Variants in USP34 observed in about 807,000 individuals in gnomAD.
The protein encoded by USP34 is ubiquitin specific peptidase 34.
Under a neutral mutation model 460.3 loss-of-function variants are expected in USP34, and 70 were observed. The ratio of observed to expected loss-of-function variants is 0.15; its 90% CI spans 0.13 to 0.19. USP34 has a LOEUF of 0.19. Ranked by LOEUF, USP34 falls within the 10% of genes least tolerant of loss-of-function variation. The pLI, the probability that USP34 is intolerant of heterozygous loss-of-function variation, is 1.00. For missense variants in USP34, 3,985 were observed against 4,236.2 expected (o/e 0.94, Z 1.65); for synonymous variants, 1,647 against 1,405.3 (o/e 1.17, Z -3.85).
chr2:61,456,943 T>C (rs1387785368), intron 1 of USP34, among the ~76,000 whole-genome samples: 1 of 152,118 alleles, frequency 6.6e-6, no homozygotes, highest in African/African-American at 2.4e-5. Context: ...ACTGAGCCAC[T>C]GTACTCCAGC....
At chr2:61,295,415 C>A (rs1032300771) in intron 30 of USP34, 125 bp from the exon 31 acceptor site, 33 of 1,010,894 alleles carry the variant, frequency 3.3e-5, no homozygotes, top group Non-Finnish European at 4.3e-5. Context: ...CATATTAAAA[C>A]ATATGAAGAC....
Position 61,331,343 on chromosome 2 carries a change from T to C in USP34, c.2863A>G (p.Lys955Glu), listed in dbSNP as rs1558533849. The part of the protein sequence containing the change: ...MWAEKELNMM[K>E]LFFDNLVYYI... ...TATACCAAATTATCAAAGAAAAGCTTCATCATGTTCAGTTCTTTTTCTGCC... is the reference window on the plus strand; with the variant it reads ...TATACCAAATTATCAAAGAAAAGCTCCATCATGTTCAGTTCTTTTTCTGCC... Residue 955 changes from lysine to glutamate, a missense_variant, in exon 20 of 80, where the codon AAG becomes GAG. Around this residue, in one of 14 missense-constraint regions of USP34, gnomAD observed 1,114 missense variants for 1,122.5 expected, o/e 0.99. Coordinates refer to ENST00000398571, the MANE Select transcript of USP34 (RefSeq NM_014709.4). 6.2e-7 allele frequency: 1 copy of C among 1,611,710 alleles called. No individual in the cohort carries two copies. The highest frequency in any genetic ancestry group is 1.7e-5 in the Admixed American group (1 of 59,818).
At position 61,311,159 on chromosome 2, in the gene USP34, G is replaced by C. The variant is rs541845320; in HGVS notation, c.3817+381C>G. Among the ~76,000 whole-genome samples, 11 of 152,266 alleles carry C rather than the reference G, an allele frequency of 7.2e-5. No individual in the cohort carries two copies. In the East Asian group the frequency reaches 2.1e-3, roughly 29 times the overall value. On this transcript the variant is annotated intron_variant, in intron 27 of 79. Coordinates refer to ENST00000398571, the MANE Select transcript of USP34 (RefSeq NM_014709.4). ...TTGAACATTAATCTCCAATGCAACAGGTTTTAGATGTGGGGTCTTTGGAGA... is the reference window on the plus strand; with the variant it reads ...TTGAACATTAATCTCCAATGCAACACGTTTTAGATGTGGGGTCTTTGGAGA...
chr2:61,310,151 G>A (rs557126662), intron 27 of USP34, among the ~76,000 whole-genome samples: 30 of 152,256 alleles, frequency 2.0e-4, no homozygotes, highest in Non-Finnish European at 4.1e-4. Flanking sequence ...CTGGATGGTA[G>A]GTACGTGGAT....
intron 1 of USP34, among the ~76,000 whole-genome samples, chr2:61,447,745 T>G (rs1695160230): frequency 6.6e-6 from 1 of 152,212 alleles, no homozygotes; most frequent in Non-Finnish European, 1.5e-5. Context: ...TGAGACAGTC[T>G]CACTCTGTCG....
intron 1 of USP34, among the ~76,000 whole-genome samples, chr2:61,450,886 C>CAA (rs71405120): frequency 0.037 from 4,731 of 127,160 alleles, 250 homozygotes; most frequent in African/African-American, 0.12. Context: ...GGAGGAGATG[C>CAA]AAAAAAAAAA....
intron 43 of USP34, among the ~76,000 whole-genome samples, chr2:61,261,422 C>A (rs1688874953): frequency 6.6e-6 from 1 of 152,136 alleles, no homozygotes; most frequent in Admixed American, 6.5e-5. Flanking sequence ...AAAGACAAAT[C>A]TGACTCCACT....
chr2:61,347,785 A>T, intron 15 of USP34, 85 bp downstream of exon 15: 1 of 1,544,562 alleles, frequency 6.5e-7, no homozygotes. Context: ...TAGCACTAAT[A>T]CAGAATAAAT....
chr2:61,330,203 C>G (rs1333099869), intron 20 of USP34, among the ~76,000 whole-genome samples: 1 of 152,168 alleles, frequency 6.6e-6, no homozygotes, highest in African/African-American at 2.4e-5. Flanking sequence ...TATCATATAG[C>G]TTCAGTATAC....
chr2:61,268,820 A>G (rs1037946600), intron 41 of USP34, among the ~76,000 whole-genome samples: 2 of 152,178 alleles, frequency 1.3e-5, no homozygotes. Context: ...ACCTACAACT[A>G]TATTAATAAG....
intron 33 of USP34, among the ~76,000 whole-genome samples, chr2:61,289,500 T>A (rs1322080155): frequency 6.6e-6 from 1 of 152,122 alleles, no homozygotes; most frequent in African/African-American, 2.4e-5. Flanking sequence ...TTTCTTTAAT[T>A]AGAATATCAC....
chr2:61,380,997 C>G (rs1383592405), intron 6 of USP34, among the ~76,000 whole-genome samples: 1 of 152,144 alleles, frequency 6.6e-6, no homozygotes, highest in Non-Finnish European at 1.5e-5. Flanking sequence ...ATCAACAAAA[C>G]TACCTAGCTA....
intron 1 of USP34, among the ~76,000 whole-genome samples, chr2:61,430,558 T>C (rs976917583): frequency 6.6e-6 from 1 of 152,146 alleles, no homozygotes; most frequent in African/African-American, 2.4e-5. Context: ...CTTATATGAG[T>C]GTATACATTT....
intron 8 of USP34, 107 bp downstream of exon 8, chr2:61,378,256 G>T: frequency 1.3e-6 from 1 of 783,800 alleles, no homozygotes; most frequent in Non-Finnish European, 2.0e-6. Context: ...ATGTCAAAGG[G>T]CAAAGAATTT....
chr2:61,318,266 G>T (rs1418530566), intron 22 of USP34, among the ~76,000 whole-genome samples: 1 of 151,682 alleles, frequency 6.6e-6, no homozygotes, highest in Non-Finnish European at 1.5e-5. Flanking sequence ...AAATGTGTCT[G>T]ATACAGGCTT....
chr2:61,301,544 CTGTA>C (rs1690225489), intron 27 of USP34, 90 bp from the exon 28 acceptor site: 1 of 1,103,100 alleles, frequency 9.1e-7, no homozygotes. Flanking sequence ...ATTAAACACA[CTGTA>C]TGTTAAGTTT....
intron 50 of USP34, 110 bp downstream of exon 50, chr2:61,246,214 T>A: frequency 1.2e-6 from 1 of 839,366 alleles, no homozygotes; most frequent in East Asian, 3.2e-5. Flanking sequence ...AAAAATTTTG[T>A]CTGCCTCATT....
chr2:61,188,270 C>T lies in USP34; in HGVS notation c.10473G>A (p.Leu3491=). 1 of 1,613,976 alleles carries T rather than the reference C, an allele frequency of 6.2e-7. No homozygotes were observed. Among genetic ancestry groups the T allele is most frequent in the South Asian group, 1.1e-5 (1 of 91,078 alleles). Reference sequence around the variant, plus strand: ...AAGCAACCTCAGGGTCCTGGGAGGGCAAAGCTTGGCCATCACAGCTTCTCA... The same window carrying T: ...AAGCAACCTCAGGGTCCTGGGAGGGTAAAGCTTGGCCATCACAGCTTCTCA... The part of the protein sequence containing the change: ...ADLRSCDGQA[L]PSQDPEVALS... The change falls in exon 80 of 80, where the codon TTG becomes TTA. Residue 3491 remains leucine, a synonymous_variant. Coordinates refer to ENST00000398571, the MANE Select transcript of USP34 (RefSeq NM_014709.4).
At chr2:61,273,714 C>G (rs189877688) in intron 41 of USP34, among the ~76,000 whole-genome samples, 1 of 151,766 alleles carries the variant, frequency 6.6e-6, no homozygotes, top group East Asian at 1.9e-4. Flanking sequence ...GACACTGTCT[C>G]AAAAAACAAA....
Sources: gnomAD v4.1 joint callset for allele counts (sites outside exome capture counted in the v4.1 genomes callset) on GRCh38, gnomAD v4.1.1 for gene constraint, gnomAD v4.1.1 regional missense constraint, MANE v1.5 for transcripts, NCBI Gene and HGNC (gene_info 2026-07-23, HGNC 2026-07-21) for gene names.